MBNL2: variants seen among roughly 807,000 people sequenced by gnomAD.
MBNL2 encodes the protein muscleblind like splicing regulator 2, also known as muscleblind-like protein 2.
In MBNL2, 17 loss-of-function variants were observed where a neutral mutation model predicts 41.9. The ratio of observed to expected loss-of-function variants is 0.41; its 90% confidence interval spans 0.28 to 0.61. The LOEUF is 0.61. Ranked by LOEUF, MBNL2 falls within the 20% of genes least tolerant of loss-of-function variation. The pLI is 0.35. For missense variants in MBNL2, 336 were observed against 505.6 expected, an observed-to-expected ratio of 0.66 and a Z score of 3.22; for synonymous variants, 195 against 182.9, an observed-to-expected ratio of 1.07 and a Z score of -0.53.
intron 8 of MBNL2, among the ~76,000 whole-genome samples, chr13:97,378,188 ATGT>A (rs1185625421): frequency 2.6e-5 from 4 of 152,230 alleles, no homozygotes; most frequent in African/African-American, 7.2e-5. Context: ...AATAATTGAA[ATGT>A]TATTATGTAA....
Position 97,276,487 on chromosome 13 carries a change from AG to A in MBNL2, c.174+79del. 2.2e-6 allele frequency: 3 copies of A among 1,356,696 alleles called. No homozygotes were observed. The South Asian group carries it at 3.9e-5, about 17-fold the overall frequency. The allele number at this position is 1,356,696 out of a possible 1,614,324, so 84.0% of individuals were successfully genotyped here. A position where few individuals can be genotyped will look rare whatever the true frequency, so the allele number is the denominator to read the frequency against. ...AGAAGGCTTTTCATTGCATTTTTAC[AG>A]AAGTTTAAAAATTGCTTTTAGATTC... is the stretch of plus-strand genomic sequence containing the variant. On this transcript the variant is annotated intron_variant, in intron 2 of 8. Coordinates refer to ENST00000679496, the MANE Select transcript of MBNL2 (RefSeq NM_001382683.1).
intron 7 of MBNL2, among the ~76,000 whole-genome samples, chr13:97,362,563 G>C (rs1594267890): frequency 6.6e-6 from 1 of 152,140 alleles, no homozygotes; most frequent in African/African-American, 2.4e-5. Flanking sequence ...AAATTAATCT[G>C]TCTGGAGCAT....
chr13:97,145,945 G>C, the MBNL2 span, among the ~76,000 whole-genome samples: 2 of 146,690 alleles, frequency 1.4e-5, no homozygotes, highest in Admixed American at 6.8e-5. Flanking sequence ...TTTACTTGCA[G>C]ACAGGGTTCT....
the MBNL2 span, among the ~76,000 whole-genome samples, chr13:97,154,678 G>A: frequency 1.7e-4 from 26 of 152,230 alleles, no homozygotes; most frequent in South Asian, 5.0e-3. Flanking sequence ...ATGATGCGGG[G>A]AAGGCAACAC....
Position 97,276,355 on chromosome 13 carries a change from C to A in MBNL2, c.120C>A (p.Pro40=), listed in dbSNP as rs2052123461. 1.2e-6 allele frequency: 2 copies of A among 1,613,970 alleles called. No individual in the cohort carries two copies. Among genetic ancestry groups the A allele is most frequent in the African/African-American group, 1.3e-5 (1 of 74,906 alleles). The change falls in exon 2 of 9, where the codon CCC becomes CCA. Residue 40 remains proline (P), a synonymous_variant. Coordinates refer to ENST00000679496, the MANE Select transcript of MBNL2 (RefSeq NM_001382683.1). The part of the protein sequence containing the change: ...SDEECKFAHP[P]KSCQVENGRV... ...AAGAATGCAAATTTGCTCATCCCCC[C>A]AAAAGTTGTCAGGTTGAAAATGGAA...
chr13:97,384,674 CCTTAG>C (rs1271486297), intron 8 of MBNL2, among the ~76,000 whole-genome samples: 3 of 152,148 alleles, frequency 2.0e-5, no homozygotes, highest in South Asian at 2.1e-4. Flanking sequence ...GTGCGAGCCT[CCTTAG>C]CTTAGCCCTA....
the MBNL2 span, among the ~76,000 whole-genome samples, chr13:97,206,427 C>G: frequency 6.6e-6 from 1 of 151,886 alleles, no homozygotes; most frequent in Non-Finnish European, 1.5e-5. Flanking sequence ...ATTTCTTATT[C>G]CAGTAGCTCC....
the MBNL2 span, among the ~76,000 whole-genome samples, chr13:97,164,094 C>T: frequency 6.6e-6 from 1 of 152,238 alleles, no homozygotes; most frequent in Admixed American, 6.5e-5. Flanking sequence ...GCAGCCTTGA[C>T]CTCCTGGGCT....
intron 2 of MBNL2, among the ~76,000 whole-genome samples, chr13:97,316,202 A>C (rs1442711378): frequency 6.6e-6 from 1 of 152,140 alleles, no homozygotes; most frequent in Non-Finnish European, 1.5e-5. Context: ...AATCATCCTG[A>C]CTGGTCCCTT....
the MBNL2 span, among the ~76,000 whole-genome samples, chr13:97,215,682 T>C: frequency 8.5e-5 from 13 of 152,354 alleles, no homozygotes; most frequent in East Asian, 2.5e-3. Context: ...AACTCCTTAC[T>C]TGTTAAAACA....
intron 1 of MBNL2, among the ~76,000 whole-genome samples, chr13:97,248,119 C>G (rs550742012): frequency 1.3e-5 from 2 of 152,252 alleles, no homozygotes; most frequent in East Asian, 3.9e-4. Flanking sequence ...TGTGTATACA[C>G]ACACATATAC....
At chr13:97,224,079 A>G (rs1270230250) in intron 1 of MBNL2, among the ~76,000 whole-genome samples, 1 of 152,230 alleles carries the variant, frequency 6.6e-6, no homozygotes, top group African/African-American at 2.4e-5. Flanking sequence ...CGGGCCGGTC[A>G]GCACAGGTTT....
At chr13:97,383,928 C>T (rs1315911803) in intron 8 of MBNL2, among the ~76,000 whole-genome samples, 2 of 148,574 alleles carry the variant, frequency 1.3e-5, no homozygotes, top group Admixed American at 1.3e-4. Flanking sequence ...GAGCGGGAGT[C>T]TCGTCCTGTT....
rs376967986 is a variant in MBNL2 at position 97,233,126 on chromosome 13, CATATATATATAT to C, written c.-605+10634_-605+10645del. The stretch of plus-strand genomic sequence containing the variant: ...GATGCTCTCGCTTCAGGCTCTTTTT[CATATATATATAT>C]ATATATATATATATATATATATATA... On this transcript the variant is annotated intron_variant, in intron 1 of 8. Transcript: ENST00000679496. 5.3e-3 allele frequency among the ~76,000 whole-genome samples: 211 copies of C among 39,768 alleles called. 4 individuals carry two copies. Among genetic ancestry groups the C allele is most frequent in the Admixed American group, 0.016 (44 of 2,718 alleles). The allele number at this position is 39,768 out of a possible 152,430, so 26.1% of individuals were successfully genotyped here. A position where few individuals can be genotyped will look rare whatever the true frequency, so the allele number is the denominator to read the frequency against.
chr13:97,165,768 A>C, the MBNL2 span, among the ~76,000 whole-genome samples: 1 of 152,212 alleles, frequency 6.6e-6, no homozygotes, highest in East Asian at 1.9e-4. Context: ...TGTGTGATAT[A>C]GTTATGCTTA....
At chr13:97,350,140 T>A (rs900981489) in intron 5 of MBNL2, among the ~76,000 whole-genome samples, 1 of 152,180 alleles carries the variant, frequency 6.6e-6, no homozygotes, top group Admixed American at 6.5e-5. Context: ...ACAAATCACA[T>A]GAATTTTTTG....
At chr13:97,265,723 T>G (rs184444862) in intron 1 of MBNL2, among the ~76,000 whole-genome samples, 89 of 152,270 alleles carry the variant, frequency 5.8e-4, no homozygotes, top group Admixed American at 2.0e-3. Flanking sequence ...AGGTACCACA[T>G]AGAGATTATT....
At chr13:97,164,038 G>A in the MBNL2 span, among the ~76,000 whole-genome samples, 8 of 151,974 alleles carry the variant, frequency 5.3e-5, no homozygotes, top group South Asian at 2.1e-4. Context: ...ACAGGGTCTC[G>A]CTCTGTCACC....
chr13:97,183,112 TAACTC>T, the MBNL2 span, among the ~76,000 whole-genome samples: 1 of 152,208 alleles, frequency 6.6e-6, no homozygotes, highest in African/African-American at 2.4e-5. Flanking sequence ...AGGGTTGTGT[TAACTC>T]TAATATCTTT....
Sources: allele counts gnomAD v4.1 joint callset (sites outside exome capture counted in the v4.1 genomes callset), GRCh38; gene constraint gnomAD v4.1.1; transcripts MANE v1.5; gene names NCBI Gene and HGNC (gene_info 2026-07-23, HGNC 2026-07-21).